ARHGEF28: variants seen among roughly 807,000 people sequenced by gnomAD.
The protein encoded by ARHGEF28 is Rho guanine nucleotide exchange factor 28, also known as 190 kDa guanine nucleotide exchange factor.
Under a neutral mutation model 206.6 loss-of-function variants are expected in ARHGEF28, and 152 were observed. The observed-to-expected ratio is 0.74, with a 90% CI of 0.64 to 0.84. The LOEUF (loss-of-function observed/expected upper bound fraction) is 0.84. ARHGEF28 is among the 40% of genes least tolerant of loss of function. ARHGEF28 has a pLI of 0.00. For missense variants in ARHGEF28, 2,028 were observed against 2,073.2 expected (o/e 0.98, Z 0.42); for synonymous variants, 763 against 776.4 (o/e 0.98, Z 0.29).
At chr5:73,751,811 C>T (rs574118445) in intron 3 of ARHGEF28, among the ~76,000 whole-genome samples, 1 of 152,252 alleles carries the variant, frequency 6.6e-6, no homozygotes, top group African/African-American at 2.4e-5. Context: ...TTTACCAGGA[C>T]AACCTTTCAA....
intron 1 of ARHGEF28, among the ~76,000 whole-genome samples, chr5:73,683,576 G>A (rs547773106): frequency 1.5e-4 from 23 of 152,190 alleles, no homozygotes; most frequent in Non-Finnish European, 3.4e-4. Context: ...CCCTGTAGGT[G>A]TATATCACAT....
At chr5:73,868,795 C>T (rs1759878683) in intron 20 of ARHGEF28, among the ~76,000 whole-genome samples, 1 of 152,076 alleles carries the variant, frequency 6.6e-6, no homozygotes, top group African/African-American at 2.4e-5. Flanking sequence ...TACAGGTGCG[C>T]ATCACCACCC....
intron 35 of ARHGEF28, among the ~76,000 whole-genome samples, chr5:73,931,571 T>C (rs1764124219): frequency 6.6e-6 from 1 of 152,042 alleles, no homozygotes; most frequent in Admixed American, 6.5e-5. Flanking sequence ...GGCTTTTTTG[T>C]TGTTCTTTAA....
chr5:73,877,751 C>G (rs901174681), intron 22 of ARHGEF28, among the ~76,000 whole-genome samples: 12 of 151,568 alleles, frequency 7.9e-5, no homozygotes, highest in African/African-American at 2.2e-4. Context: ...TTTCTTAATC[C>G]TGAGTTCTAG....
Position 73,870,092 on chromosome 5 carries a change from A to G in ARHGEF28, c.2449A>G (p.Ser817Gly), listed in dbSNP as rs761527700. 7 of 1,613,556 alleles carry G rather than the reference A, an allele frequency of 4.3e-6. No individual in the cohort carries two copies. The Admixed American group carries it at 1.2e-4, about 27-fold the overall frequency. ...MEDVVDSSLW[S>G]DLSSDAQEFE... ...AGATGTTGTGGATTCTTCTCTGTGG[A>G]GTGACCTCAGCAGTGATGCCCAGGA... is the stretch of plus-strand genomic sequence containing the variant. The change falls in exon 21 of 36, where the codon AGT becomes GGT. Residue 817 changes from serine (S) to glycine (G), a missense_variant. By Grantham distance (56) the Ser-to-Gly change is moderately conservative. This residue lies in a region of ARHGEF28 where 1,002 missense variants were observed against 1,015.3 expected (regional missense o/e 0.99). Coordinates refer to ENST00000513042, the MANE Select transcript of ARHGEF28 (RefSeq NM_001177693.2).
intron 10 of ARHGEF28, among the ~76,000 whole-genome samples, chr5:73,836,086 T>C (rs1361152630): frequency 6.6e-6 from 1 of 152,238 alleles, no homozygotes; most frequent in South Asian, 2.1e-4. Flanking sequence ...TCTTGGCTAC[T>C]GTGAATAGTG....
At chr5:73,746,152 G>C (rs968658200) in intron 2 of ARHGEF28, among the ~76,000 whole-genome samples, 14 of 152,030 alleles carry the variant, frequency 9.2e-5, no homozygotes, top group African/African-American at 1.4e-4. Flanking sequence ...GTGACAACTT[G>C]TTCATATTTT....
At chr5:73,902,599 G>A (rs779912389) in intron 31 of ARHGEF28, 2 of 152,244 alleles carry the variant, frequency 1.3e-5, no homozygotes, top group Non-Finnish European at 2.9e-5. Context: ...ACTTTTAAAA[G>A]GTGTATAATG....
intron 7 of ARHGEF28, among the ~76,000 whole-genome samples, chr5:73,788,860 T>G (rs1430067745): frequency 6.6e-6 from 1 of 152,192 alleles, no homozygotes; most frequent in African/African-American, 2.4e-5. Context: ...TGCAACCAAA[T>G]TTTGGGGCTG....
At chr5:73,739,701 C>T (rs1440664712) in intron 2 of ARHGEF28, among the ~76,000 whole-genome samples, 1 of 151,634 alleles carries the variant, frequency 6.6e-6, no homozygotes, top group Non-Finnish European at 1.5e-5. Context: ...GTTCCAGCTC[C>T]TCAGGAGACT....
chr5:73,679,301 T>C (rs1746914603), intron 1 of ARHGEF28, among the ~76,000 whole-genome samples: 1 of 152,230 alleles, frequency 6.6e-6, no homozygotes, highest in Non-Finnish European at 1.5e-5. Flanking sequence ...GCATGGTGGC[T>C]CATGCCTGTA....
intron 5 of ARHGEF28, among the ~76,000 whole-genome samples, chr5:73,774,881 A>C (rs1295682326): frequency 1.3e-5 from 2 of 152,234 alleles, no homozygotes; most frequent in African/African-American, 4.8e-5. Flanking sequence ...TAAATATTAA[A>C]TATTATTAGA....
intron 1 of ARHGEF28, among the ~76,000 whole-genome samples, chr5:73,657,172 C>CAAAAA (rs76970237): frequency 6.3e-5 from 6 of 94,548 alleles, no homozygotes; most frequent in Non-Finnish European, 8.1e-5. Flanking sequence ...GACTCCGTCC[C>CAAAAA]AAAAAAAAAA....
Position 73,878,938 on chromosome 5 carries a change from G to A in ARHGEF28, c.2815-3534G>A, listed in dbSNP as rs531907494. ...TCTTCTCGAGGAGTACCTTTGTGGC[G>A]TTCTCTGTATTTCCTGAATCTCAGT... On this transcript the variant is annotated intron_variant, in intron 22 of 35. Coordinates refer to ENST00000513042, the MANE Select transcript of ARHGEF28 (RefSeq NM_001177693.2). Among the ~76,000 whole-genome samples, 26 of 152,126 alleles carry A rather than the reference G, an allele frequency of 1.7e-4. 1 individual carries two copies. The South Asian group carries it at 4.8e-3, about 28-fold the overall frequency.
intron 1 of ARHGEF28, among the ~76,000 whole-genome samples, chr5:73,648,468 T>C (rs944532675): frequency 5.9e-5 from 9 of 152,208 alleles, no homozygotes; most frequent in African/African-American, 2.2e-4. Flanking sequence ...CAGAGGATAA[T>C]ATTTTACATG....
intron 9 of ARHGEF28, among the ~76,000 whole-genome samples, chr5:73,825,880 G>A (rs1019844612): frequency 3.9e-5 from 6 of 152,146 alleles, no homozygotes; most frequent in Admixed American, 3.9e-4. Flanking sequence ...GAGATATTGA[G>A]GGGATAGTGT....
intron 20 of ARHGEF28, among the ~76,000 whole-genome samples, chr5:73,869,461 C>A (rs1396822401): frequency 2.0e-5 from 3 of 152,020 alleles, no homozygotes; most frequent in Non-Finnish European, 4.4e-5. Flanking sequence ...TGTAGGTTAC[C>A]AAAAATAAAA....
intron 2 of ARHGEF28, among the ~76,000 whole-genome samples, chr5:73,690,021 G>A (rs1369103921): frequency 1.3e-5 from 2 of 151,830 alleles, no homozygotes; most frequent in Non-Finnish European, 2.9e-5. Flanking sequence ...GTTCTGTACT[G>A]GAAATTATAA....
chr5:73,840,124 C>T (rs1757892185), intron 10 of ARHGEF28, among the ~76,000 whole-genome samples: 1 of 152,154 alleles, frequency 6.6e-6, no homozygotes, highest in Admixed American at 6.6e-5. Flanking sequence ...AAATAATTCT[C>T]TGTTTACATA....
Sources: gnomAD v4.1 joint callset for allele counts (sites outside exome capture counted in the v4.1 genomes callset) on GRCh38, gnomAD v4.1.1 for gene constraint, gnomAD v4.1.1 regional missense constraint, MANE v1.5 for transcripts, NCBI Gene and HGNC (gene_info 2026-07-23, HGNC 2026-07-21) for gene names.